Variants in INTS4 observed in about 807,000 individuals in gnomAD.
INTS4 encodes the protein integrator complex subunit 4, also known as MSTP093.
In INTS4, 70 loss-of-function variants were observed where a neutral mutation model predicts 119.5. That is an observed-to-expected ratio of 0.59 (90% CI 0.48 to 0.71). The LOEUF is 0.71. Ranked by LOEUF, INTS4 falls within the 30% of genes least tolerant of loss-of-function variation. The pLI is 0.00. For synonymous variants in INTS4, 316 were observed against 419.6 expected, an observed-to-expected ratio of 0.75 and a Z score of 3.02; for missense variants, 867 against 1,173.2, an observed-to-expected ratio of 0.74 and a Z score of 3.81.
At chr11:77,963,486 A>T (rs1056864965) in intron 4 of INTS4, 6 of 413,924 alleles carry the variant, frequency 1.4e-5, no homozygotes, top group African/African-American at 1.3e-4. Flanking sequence ...AGGCCATTGA[A>T]GTGCCATAAT....
intron 1 of INTS4, among the ~76,000 whole-genome samples, chr11:77,991,591 G>A (rs1400787156): frequency 6.6e-6 from 1 of 151,162 alleles, no homozygotes; most frequent in African/African-American, 2.4e-5. Context: ...GTCTCTCTAT[G>A]TTGCCCAGGC....
At position 77,991,247 on chromosome 11, in the gene INTS4, G is replaced by A. The variant is rs1856674920; in HGVS notation, c.107C>T (p.Ser36Phe). Residue 36 changes from serine (S) to phenylalanine (F), a missense_variant, in exon 2 of 23, where the codon TCT becomes TTT. Transcript: ENST00000534064. Reference protein sequence around the residue: ...KKLRLTKPSKSAALHIDLCKA... With the variant: ...KKLRLTKPSKFAALHIDLCKA... ...ACACAGATCTATGTGGAGTGCTGCA[G>A]ATTTACTTGGTTTTGTTAGTCGGAG... is the stretch of plus-strand genomic sequence containing the variant. The A allele has an allele frequency of 1.2e-6, 2 of 1,613,960 alleles. No individual in the cohort carries two copies. Among genetic ancestry groups the A allele is most frequent in the Admixed American group, 1.7e-5 (1 of 60,006 alleles).
chr11:77,953,820 G>A (rs897380271), intron 8 of INTS4, among the ~76,000 whole-genome samples: 1 of 151,986 alleles, frequency 6.6e-6, no homozygotes, highest in Non-Finnish European at 1.5e-5. Flanking sequence ...CTGACCTCAA[G>A]TGATTTGCCC....
At chr11:77,883,264 C>G (rs1951863756) in intron 22 of INTS4, among the ~76,000 whole-genome samples, 1 of 152,056 alleles carries the variant, frequency 6.6e-6, no homozygotes, top group African/African-American at 2.4e-5. Flanking sequence ...AATTCTGCCC[C>G]CTATTCTAGG....
intron 8 of INTS4, among the ~76,000 whole-genome samples, chr11:77,955,518 G>A (rs1304342527): frequency 2.9e-5 from 4 of 139,878 alleles, no homozygotes; most frequent in African/African-American, 1.1e-4. Context: ...TTTTTGAGAT[G>A]AGAGTCTCCC....
chr11:77,907,707 G>A lies in INTS4; in HGVS notation c.2016+10C>T. On this transcript the variant is annotated intron_variant, in intron 16 of 22. Transcript: ENST00000534064. ...CAACACAATCATAAATGGAATGGATGCAAACCAACCTTGATGAGAAGTAGT... is the reference window on the plus strand; with the variant it reads ...CAACACAATCATAAATGGAATGGATACAAACCAACCTTGATGAGAAGTAGT... 2 of 1,603,780 alleles carry A rather than the reference G, an allele frequency of 1.2e-6. No homozygotes were observed. Among genetic ancestry groups the A allele is most frequent in the Non-Finnish European group, 1.7e-6 (2 of 1,170,820 alleles).
chr11:77,879,703 A>G (rs1241285497), intron 22 of INTS4, among the ~76,000 whole-genome samples: 2 of 152,322 alleles, frequency 1.3e-5, no homozygotes, highest in East Asian at 1.9e-4. Flanking sequence ...TAGTGTCTCT[A>G]TGTGGCAGGT....
intron 14 of INTS4, among the ~76,000 whole-genome samples, chr11:77,920,677 C>T (rs1250148942): frequency 6.6e-6 from 1 of 151,684 alleles, no homozygotes; most frequent in Non-Finnish European, 1.5e-5. Context: ...ACGGTGAAAC[C>T]CTGTCTCTAC....
intron 8 of INTS4, among the ~76,000 whole-genome samples, chr11:77,948,047 C>G (rs1304863565): frequency 6.6e-6 from 1 of 151,970 alleles, no homozygotes; most frequent in Non-Finnish European, 1.5e-5. Flanking sequence ...CGAGGTCTCA[C>G]TATGTTGCCC....
At chr11:77,994,536 T>G in intron 1 of INTS4, 54 bp downstream of exon 1, 1 of 1,400,320 alleles carries the variant, frequency 7.1e-7, no homozygotes, top group Non-Finnish European at 1.0e-6. Context: ...GCCTGGGATT[T>G]GGATAATCTA....
chr11:77,936,665 G>A (rs1424412158), intron 10 of INTS4, among the ~76,000 whole-genome samples: 1 of 151,998 alleles, frequency 6.6e-6, no homozygotes, highest in African/African-American at 2.4e-5. Flanking sequence ...ATATATACTA[G>A]GTGGGATTAA....
At chr11:77,945,362 G>A (rs546359202) in intron 8 of INTS4, among the ~76,000 whole-genome samples, 188 of 152,282 alleles carry the variant, frequency 1.2e-3, no homozygotes, top group Non-Finnish European at 1.6e-3. Context: ...CTAAGCTGCT[G>A]TAGCATGGCA....
intron 11 of INTS4, among the ~76,000 whole-genome samples, chr11:77,925,472 T>C (rs1953474412): frequency 6.6e-6 from 1 of 152,188 alleles, no homozygotes; most frequent in Non-Finnish European, 1.5e-5. Flanking sequence ...CCGCAATCTC[T>C]CAATTTATTA....
chr11:77,972,019 A>T (rs1430096802), intron 4 of INTS4, among the ~76,000 whole-genome samples: 1 of 152,230 alleles, frequency 6.6e-6, no homozygotes, highest in Non-Finnish European at 1.5e-5. Flanking sequence ...TTGAAAAGAC[A>T]ATTTTTTTCT....
intron 8 of INTS4, among the ~76,000 whole-genome samples, chr11:77,945,429 A>T (rs181527375): frequency 2.8e-4 from 43 of 152,280 alleles, no homozygotes; most frequent in African/African-American, 9.1e-4. Flanking sequence ...ACCAGTAGCA[A>T]CTGACTCTCT....
chr11:77,972,537 C>G (rs1033800121), intron 4 of INTS4, among the ~76,000 whole-genome samples: 6 of 152,020 alleles, frequency 3.9e-5, no homozygotes, highest in African/African-American at 1.4e-4. Flanking sequence ...CTGCCTCAGC[C>G]TCCCCAGTAG....
At chr11:77,956,570 G>C (rs750154977) in intron 7 of INTS4, among the ~76,000 whole-genome samples, 2 of 151,988 alleles carry the variant, frequency 1.3e-5, no homozygotes, top group Non-Finnish European at 2.9e-5. Flanking sequence ...AGCCAGGCAT[G>C]GTGACACATG....
intron 21 of INTS4, among the ~76,000 whole-genome samples, chr11:77,889,327 A>G (rs745628416): frequency 1.1e-4 from 17 of 147,864 alleles, no homozygotes; most frequent in Non-Finnish European, 1.8e-4. Context: ...GTTCTCACTC[A>G]TAGGTGGGAA....
chr11:77,889,580 A>T (rs1410865730), intron 21 of INTS4, among the ~76,000 whole-genome samples: 3 of 152,204 alleles, frequency 2.0e-5, no homozygotes, highest in Non-Finnish European at 4.4e-5. Flanking sequence ...TAATGAATGG[A>T]GTTCTGCAGG....
Sources: allele counts gnomAD v4.1 joint callset (sites outside exome capture counted in the v4.1 genomes callset), GRCh38; gene constraint gnomAD v4.1.1; transcripts MANE v1.5; gene names NCBI Gene and HGNC (gene_info 2026-07-23, HGNC 2026-07-21).